The following MID1 variants were observed in gnomAD, a reference collection of about 807,000 sequenced individuals.
MID1 encodes E3 ubiquitin-protein ligase Midline-1.
In MID1, 7 loss-of-function variants were observed where a neutral mutation model predicts 40.4. The observed-to-expected ratio is 0.17, with a 90% confidence interval of 0.10 to 0.33. MID1 has a LOEUF of 0.33. Among genes scored for constraint, MID1 ranks in the 10% least tolerant of loss-of-function variants. MID1 has a pLI of 1.00. For missense variants in MID1, 367 were observed against 558.5 expected (o/e 0.66, Z 3.46); for synonymous variants, 229 against 221.2 (o/e 1.04, Z -0.31).
chrX:10,448,391 CAG>C lies in MID1; in HGVS notation c.*975_*976del, dbSNP rs1928130811. ...TCCAAAGTGGTGCTGCTATTTGTGA[CAG>C]AACATGTTTATTTACTCAGCCCCGG... is the stretch of plus-strand genomic sequence containing the variant. On this transcript the variant is annotated 3_prime_UTR_variant, in exon 10 of 10. Coordinates refer to ENST00000317552, the MANE Select transcript of MID1 (RefSeq NM_000381.4). 1 of 110,970 alleles carries C rather than the reference CAG, an allele frequency of 9.0e-6. No individual in the cohort carries two copies. Among genetic ancestry groups the C allele is most frequent in the Admixed American group, 9.6e-5 (1 of 10,415 alleles). 9.1% of individuals were successfully genotyped at this position (110,970 alleles called of 1,213,427 possible). A position where few individuals can be genotyped will look rare whatever the true frequency, so the allele number is the denominator to read the frequency against.
intron 1 of MID1, among the ~76,000 whole-genome samples, chrX:10,641,850 G>A (rs1936201021): frequency 8.9e-6 from 1 of 111,740 alleles, no homozygotes; most frequent in Non-Finnish European, 1.9e-5. Flanking sequence ...TGGGATGCAA[G>A]GCTGGTTCAA....
chrX:10,531,232 A>C (rs1039091389), intron 2 of MID1, among the ~76,000 whole-genome samples: 2 of 112,340 alleles, frequency 1.8e-5, no homozygotes, highest in African/African-American at 6.5e-5. Context: ...CCATATTAAC[A>C]CATGCCACTT....
Position 10,810,488 on chromosome X carries a change from A to C in MID1, c.-187+23066T>G, listed in dbSNP as rs576550565. ...AATGCTGCTGTGAACACTGGTGTAC[A>C]AGTGTATGTTTGAGTCCCTGCTCCC... On this transcript the variant is annotated intron_variant, in intron 1 of 10. Transcript: ENST00000380785. Among the ~76,000 whole-genome samples, 108 of 112,079 alleles carry C rather than the reference A, an allele frequency of 9.6e-4. 1 individual carries two copies. The South Asian group carries it at 0.038, about 39-fold the overall frequency.
At chrX:10,534,202 T>G (rs894517583) in intron 2 of MID1, among the ~76,000 whole-genome samples, 2 of 111,796 alleles carry the variant, frequency 1.8e-5, no homozygotes, top group African/African-American at 6.5e-5. Flanking sequence ...TCTTCCATCT[T>G]AAGTAGATGA....
At chrX:10,450,177 A>C (rs1002063653) in intron 9 of MID1, among the ~76,000 whole-genome samples, 2 of 112,292 alleles carry the variant, frequency 1.8e-5, no homozygotes, top group Non-Finnish European at 3.8e-5. Flanking sequence ...CTGAACTTTA[A>C]ATTTATTTAA....
rs1241165089 is a variant in MID1, at chrX:10,595,965, A to G, written c.-57+24325T>C. Reference sequence around the variant, plus strand: ...ATTATTAGGTGTCAATTATAAGTACAAATTTTTTTTAAAAAAAATTTCTTT... The same window carrying G: ...ATTATTAGGTGTCAATTATAAGTACGAATTTTTTTTAAAAAAAATTTCTTT... On this transcript the variant is annotated intron_variant, in intron 1 of 9. Coordinates refer to ENST00000317552, the MANE Select transcript of MID1 (RefSeq NM_000381.4). Among the ~76,000 whole-genome samples the G allele has an allele frequency of 4.5e-5, 5 of 112,040 alleles. No individual in the cohort carries two copies. The Admixed American group carries it at 4.7e-4, about 11-fold the overall frequency.
At chrX:10,700,844 C>T (rs952968637) in intron 1 of MID1, among the ~76,000 whole-genome samples, 1 of 111,648 alleles carries the variant, frequency 9.0e-6, no homozygotes, top group African/African-American at 3.2e-5. Flanking sequence ...TTTGTGACAT[C>T]GTGGGAAAAA....
chrX:10,794,274 AC>A (rs1362224564), intron 1 of MID1, among the ~76,000 whole-genome samples: 9 of 111,404 alleles, frequency 8.1e-5, no homozygotes, highest in African/African-American at 2.9e-4. Flanking sequence ...AACTGTCCCC[AC>A]CCCCAAGGTT....
intron 3 of MID1, among the ~76,000 whole-genome samples, chrX:10,513,144 A>C (rs1030468553): frequency 2.7e-5 from 3 of 112,560 alleles, no homozygotes; most frequent in African/African-American, 9.7e-5. Flanking sequence ...AGTCAACCGA[A>C]TCAGGTAAAA....
chrX:10,478,289 A>G (rs776264488), intron 5 of MID1, among the ~76,000 whole-genome samples: 1 of 112,522 alleles, frequency 8.9e-6, no homozygotes, highest in African/African-American at 3.2e-5. Context: ...TAGCTTGAGA[A>G]TATAGTACAT....
At chrX:10,459,938 T>A (rs1928926953) in intron 7 of MID1, 131 bp from the exon 8 acceptor site, 1 of 716,589 alleles carries the variant, frequency 1.4e-6, no homozygotes, top group Non-Finnish European at 2.1e-6. Context: ...GGTAGTCATG[T>A]ACGAAAAACT....
At chrX:10,821,053 A>G (rs2044171207) in intron 1 of MID1, among the ~76,000 whole-genome samples, 1 of 112,342 alleles carries the variant, frequency 8.9e-6, no homozygotes, top group African/African-American at 3.2e-5. Context: ...CCTGGCAGTT[A>G]CCAACTCAAG....
At chrX:10,610,315 A>G (rs747627940) in intron 1 of MID1, among the ~76,000 whole-genome samples, 1 of 112,349 alleles carries the variant, frequency 8.9e-6, no homozygotes, top group East Asian at 2.8e-4. Flanking sequence ...GATTTTTAAT[A>G]CAGATACATC....
intron 2 of MID1, among the ~76,000 whole-genome samples, chrX:10,531,806 G>A (rs1404040248): frequency 9.0e-6 from 1 of 111,703 alleles, no homozygotes; most frequent in Non-Finnish European, 1.9e-5. Flanking sequence ...AGGTATTAGA[G>A]ATGTGAATGG....
At chrX:10,665,409 T>C (rs2042943491) in intron 1 of MID1, among the ~76,000 whole-genome samples, 1 of 111,564 alleles carries the variant, frequency 9.0e-6, no homozygotes, top group Admixed American at 9.5e-5. Context: ...ATTCGGCTGG[T>C]TCTTTTACAC....
chrX:10,804,378 T>C (rs1038370308), intron 1 of MID1, among the ~76,000 whole-genome samples: 3 of 111,910 alleles, frequency 2.7e-5, no homozygotes, highest in Middle Eastern at 4.6e-3. Flanking sequence ...TATTGGGTAA[T>C]AGAAACTGAG....
intron 1 of MID1, among the ~76,000 whole-genome samples, chrX:10,728,812 G>C: frequency 8.9e-6 from 1 of 111,755 alleles, no homozygotes; most frequent in Non-Finnish European, 1.9e-5. Context: ...CCTCTACCCG[G>C]TTTTCCACAG....
chrX:10,591,474 C>T (rs1385238259), intron 1 of MID1, among the ~76,000 whole-genome samples: 1 of 112,156 alleles, frequency 8.9e-6, no homozygotes, highest in African/African-American at 3.2e-5. Context: ...AGTTTCACAA[C>T]TTTAGTCATT....
intron 1 of MID1, among the ~76,000 whole-genome samples, chrX:10,730,409 A>T (rs751475128): frequency 9.0e-6 from 1 of 110,860 alleles, no homozygotes; most frequent in African/African-American, 3.3e-5. Context: ...ACAAACTAAC[A>T]TTGTATTTTT....
Sources: gnomAD v4.1 joint callset for allele counts (sites outside exome capture counted in the v4.1 genomes callset) on GRCh38, gnomAD v4.1.1 for gene constraint, MANE v1.5 for transcripts, NCBI Gene and HGNC (gene_info 2026-07-23, HGNC 2026-07-21) for gene names.